Variants in TDRD1 observed in about 807,000 individuals in gnomAD.
The protein encoded by TDRD1 is tudor domain containing 1.
TDRD1 carries 37 observed loss-of-function variants against 140.6 expected under a neutral mutation model. That is an observed-to-expected ratio of 0.26 (90% CI 0.20 to 0.35). The LOEUF (loss-of-function observed/expected upper bound fraction) is 0.35. TDRD1 is among the 10% of genes least tolerant of loss of function. The pLI, the probability that TDRD1 is intolerant of heterozygous loss-of-function variation, is 1.00. For synonymous variants in TDRD1, 506 were observed against 475.7 expected (o/e 1.06, Z -0.83); for missense variants, 1,243 against 1,393.0 (o/e 0.89, Z 1.71).
At chr10:114,204,955 G>C in intron 10 of TDRD1, 62 bp downstream of exon 10, 1 of 1,415,270 alleles carries the variant, frequency 7.1e-7, no homozygotes, top group African/African-American at 1.5e-5. Flanking sequence ...CTGTTACTCA[G>C]AAGAAACGGA....
At position 114,196,833 on chromosome 10, in the gene TDRD1, CTTTTTTTTTTTTT is replaced by C. The variant is rs36124319; in HGVS notation, c.385-2322_385-2310del. ...ACCAAATTTGGAAGTTTCTAGCAGT[CTTTTTTTTTTTTT>C]TTTTTTTTTTTTTTTTTGAGACAGA... is the stretch of plus-strand genomic sequence containing the variant. On this transcript the variant is annotated intron_variant, in intron 3 of 25. Coordinates refer to ENST00000251864, the Ensembl canonical transcript of TDRD1. Among the ~76,000 whole-genome samples the C allele has an allele frequency of 1.7e-3, 81 of 48,352 alleles. 1 individual carries two copies. The highest frequency in any genetic ancestry group is 4.6e-3 in the African/African-American group (49 of 10,602). 31.7% of individuals were successfully genotyped at this position (48,352 alleles called of 152,430 possible).
intron 2 of TDRD1, among the ~76,000 whole-genome samples, chr10:114,188,520 T>C (rs1464801839): frequency 1.3e-5 from 2 of 152,204 alleles, no homozygotes; most frequent in Admixed American, 1.3e-4. Context: ...AGATTTTAAC[T>C]GGTTTCACGT....
chr10:114,210,673 G>A, exon 12 of TDRD1: 2 of 1,613,176 alleles, frequency 1.2e-6, no homozygotes, highest in African/African-American at 2.7e-5. Flanking sequence ...TTTGAATGTA[G>A]GTGATGAGTT....
At chr10:114,183,482 A>AC (rs1291860294) in intron 1 of TDRD1, among the ~76,000 whole-genome samples, 1 of 151,998 alleles carries the variant, frequency 6.6e-6, no homozygotes, top group Non-Finnish European at 1.5e-5. Flanking sequence ...CAACCCACCT[A>AC]CCCCAGAATA....
At chr10:114,212,062 T>A in intron 14 of TDRD1, 26 bp downstream of exon 14, 1 of 1,562,546 alleles carries the variant, frequency 6.4e-7, no homozygotes, top group African/African-American at 1.4e-5. Context: ...AGCCTCCATA[T>A]TCTTTAAAAA....
intron 4 of TDRD1, among the ~76,000 whole-genome samples, chr10:114,200,081 T>C (rs564036575): frequency 1.4e-4 from 21 of 152,376 alleles, no homozygotes; most frequent in African/African-American, 4.3e-4. Context: ...GAAGGAGTTT[T>C]GGTTGTTCCA....
chr10:114,220,918 A>G, intron 19 of TDRD1, 75 bp downstream of exon 19: 1 of 1,032,202 alleles, frequency 9.7e-7, no homozygotes, highest in Non-Finnish European at 1.4e-6. Flanking sequence ...ATTTTCCATC[A>G]TAAATGACAG....
chr10:114,181,306 G>A (rs937611193), intron 1 of TDRD1, among the ~76,000 whole-genome samples: 8 of 152,140 alleles, frequency 5.3e-5, no homozygotes, highest in Admixed American at 3.3e-4. Flanking sequence ...ATCACTAGTA[G>A]CATGAAAAAA....
chr10:114,218,187 A>AGG (rs2035932589), intron 17 of TDRD1, among the ~76,000 whole-genome samples: 1 of 152,242 alleles, frequency 6.6e-6, no homozygotes, highest in African/African-American at 2.4e-5. Flanking sequence ...AATTCATATC[A>AGG]AATGTAAAAG....
At chr10:114,202,480 C>T (rs1300908354) in intron 6 of TDRD1, among the ~76,000 whole-genome samples, 182 bp downstream of exon 6, 1 of 151,742 alleles carries the variant, frequency 6.6e-6, no homozygotes, top group Non-Finnish European at 1.5e-5. Flanking sequence ...ATCTTTTTTT[C>T]AAAAAGGATG....
chr10:114,220,443 A>T, intron 18 of TDRD1, 125 bp from the exon 19 acceptor site: 1 of 647,508 alleles, frequency 1.5e-6, no homozygotes, highest in South Asian at 1.9e-5. Context: ...GTATAATTGA[A>T]TATTGAAGAT....
Position 114,218,425 on chromosome 10 carries a change from T to TG in TDRD1, c.2337dup (p.Tyr780ValfsTer15). 6.3e-7 allele frequency: 1 copy of TG among 1,585,956 alleles called. No individual in the cohort carries two copies. Among genetic ancestry groups the TG allele is most frequent in the Non-Finnish European group, 8.6e-7 (1 of 1,164,358 alleles). ...TGTGTTAAACCTAGGTGATGGTAGT[T>TG]GGTATCGTGCTTTAGTCAAGGAAAT... On this transcript the variant is annotated frameshift_variant, in exon 18 of 26. Transcript: ENST00000251864. LOFTEE classifies it high-confidence loss of function.
At chr10:114,220,499 C>A in intron 18 of TDRD1, 69 bp from the exon 19 acceptor site, 1 of 1,112,720 alleles carries the variant, frequency 9.0e-7, no homozygotes, top group Non-Finnish European at 1.3e-6. Context: ...AGACCTGGTG[C>A]TGGGTACTAC....
chr10:114,213,122 G>A (rs2035593984), intron 14 of TDRD1, among the ~76,000 whole-genome samples: 1 of 152,088 alleles, frequency 6.6e-6, no homozygotes, highest in Non-Finnish European at 1.5e-5. Flanking sequence ...GCCCAGTCTG[G>A]TCTCAAATCG....
chr10:114,229,987 C>T (rs1481535802), intron 25 of TDRD1, among the ~76,000 whole-genome samples: 2 of 152,106 alleles, frequency 1.3e-5, no homozygotes, highest in African/African-American at 4.8e-5. Flanking sequence ...CCCGCCACCA[C>T]ACCCAGCTAA....
At chr10:114,199,568 A>G (rs1167141536) in intron 4 of TDRD1, among the ~76,000 whole-genome samples, 3 of 152,204 alleles carry the variant, frequency 2.0e-5, no homozygotes, top group Middle Eastern at 3.2e-3. Flanking sequence ...ACAGACTTAC[A>G]TCCTTGTCAT....
chr10:114,219,340 A>G (rs908157662), intron 18 of TDRD1, among the ~76,000 whole-genome samples: 1 of 152,058 alleles, frequency 6.6e-6, no homozygotes. Flanking sequence ...TAAGAGAAAA[A>G]TATAAAGCAC....
At chr10:114,203,427 G>C (rs138005760) in exon 8 of TDRD1, 3 of 1,612,732 alleles carry the variant, frequency 1.9e-6, no homozygotes, top group Non-Finnish European at 2.5e-6. Flanking sequence ...GGACTTCTAC[G>C]TGCAGTTATA....
At chr10:114,225,159 G>A (rs973399351) in intron 21 of TDRD1, among the ~76,000 whole-genome samples, 2 of 152,216 alleles carry the variant, frequency 1.3e-5, no homozygotes, top group African/African-American at 4.8e-5. Flanking sequence ...TCTCTCAGGA[G>A]AGGAAACCTC....
Sources: gnomAD v4.1 joint callset for allele counts (sites outside exome capture counted in the v4.1 genomes callset) on GRCh38, gnomAD v4.1.1 for gene constraint, MANE v1.5 for transcripts, NCBI Gene and HGNC (gene_info 2026-07-23, HGNC 2026-07-21) for gene names.